Variants in BMAL1 observed in about 807,000 individuals in gnomAD.
BMAL1 encodes basic helix-loop-helix ARNT like 1, also known as basic helix-loop-helix ARNT-like protein 1.
the BMAL1 span, among the ~76,000 whole-genome samples, chr11:13,349,160 ATTTC>A: frequency 2.6e-5 from 4 of 152,348 alleles, no homozygotes; most frequent in East Asian, 3.9e-4. Context: ...CTGTTTCAGA[ATTTC>A]TTTCTTAACT....
At chr11:13,376,688 A>G in the BMAL1 span, 3 of 1,614,096 alleles carry the variant, frequency 1.9e-6, no homozygotes, top group Middle Eastern at 1.7e-4. Flanking sequence ...AGCTCACAGC[A>G]TCCCCCCACA....
the BMAL1 span, among the ~76,000 whole-genome samples, chr11:13,307,603 A>G: frequency 6.6e-6 from 1 of 152,320 alleles, no homozygotes; most frequent in African/African-American, 2.4e-5. Context: ...ATCTTTGGAA[A>G]CACTATTAAG....
the BMAL1 span, among the ~76,000 whole-genome samples, chr11:13,306,567 G>C: frequency 2.6e-5 from 4 of 152,200 alleles, no homozygotes; most frequent in African/African-American, 9.7e-5. Flanking sequence ...AGGCTTCACA[G>C]AGGAAGTCTG....
At chr11:13,318,032 C>G in the BMAL1 span, among the ~76,000 whole-genome samples, 1 of 152,254 alleles carries the variant, frequency 6.6e-6, no homozygotes, top group South Asian at 2.1e-4. Flanking sequence ...TCTAGTGGGC[C>G]TGGGCCCGTC....
chr11:13,349,651 C>T, the BMAL1 span, among the ~76,000 whole-genome samples: 1 of 152,240 alleles, frequency 6.6e-6, no homozygotes, highest in Non-Finnish European at 1.5e-5. Flanking sequence ...CTTCTAAGGA[C>T]ATGCCCAAGA....
chr11:13,356,985 A>T, the BMAL1 span: 1 of 1,609,726 alleles, frequency 6.2e-7, no homozygotes, highest in Non-Finnish European at 8.5e-7. Context: ...AGAAGAAAAC[A>T]GCAATGTGTA....
chr11:13,354,059 A>G, the BMAL1 span, among the ~76,000 whole-genome samples: 1 of 152,142 alleles, frequency 6.6e-6, no homozygotes. Context: ...CAGAAAAATG[A>G]GCGGGTGGGC....
At chr11:13,277,243 T>C in the BMAL1 span, among the ~76,000 whole-genome samples, 41 of 152,238 alleles carry the variant, frequency 2.7e-4, no homozygotes, top group Non-Finnish European at 4.1e-4. Context: ...CAGGAACTGC[T>C]GCTTTTCGTC....
chr11:13,289,340 T>C, the BMAL1 span, among the ~76,000 whole-genome samples: 1 of 152,208 alleles, frequency 6.6e-6, no homozygotes, highest in Non-Finnish European at 1.5e-5. Flanking sequence ...AGGTGGGTGC[T>C]GATGTGTACT....
chr11:13,315,594 C>T, the BMAL1 span, among the ~76,000 whole-genome samples: 11 of 152,250 alleles, frequency 7.2e-5, no homozygotes, highest in Middle Eastern at 3.4e-3. Flanking sequence ...TGTGGGTTTA[C>T]GCTCTGACCC....
At chr11:13,344,398 T>C in the BMAL1 span, among the ~76,000 whole-genome samples, 5 of 152,180 alleles carry the variant, frequency 3.3e-5, 1 homozygote. Context: ...AGTAGGGCAG[T>C]GCATTGCTTG....
chr11:13,384,125 A>G, the BMAL1 span, among the ~76,000 whole-genome samples: 1 of 152,024 alleles, frequency 6.6e-6, no homozygotes, highest in East Asian at 1.9e-4. Flanking sequence ...TTTTTTTGGA[A>G]ATGAATGAAG....
chr11:13,384,975 AAGT>A, the BMAL1 span, among the ~76,000 whole-genome samples: 10 of 152,172 alleles, frequency 6.6e-5, no homozygotes, highest in Non-Finnish European at 1.2e-4. Flanking sequence ...TGTGGAAATA[AAGT>A]AAGTTATAAT....
At chr11:13,334,435 C>T in the BMAL1 span, among the ~76,000 whole-genome samples, 1 of 152,150 alleles carries the variant, frequency 6.6e-6, no homozygotes, top group South Asian at 2.1e-4. Flanking sequence ...GCACTGTCCC[C>T]AACAAATGGG....
At chr11:13,326,490 C>T in the BMAL1 span, 2 of 152,186 alleles carry the variant, frequency 1.3e-5, no homozygotes, top group Admixed American at 1.3e-4. Flanking sequence ...CATGCATTCT[C>T]TCTAATCCTT....
the BMAL1 span, among the ~76,000 whole-genome samples, chr11:13,295,725 A>G: frequency 4.5e-4 from 68 of 152,338 alleles, no homozygotes; most frequent in African/African-American, 1.6e-3. Context: ...AAATTTGCAT[A>G]CAAGAGTCCA....
the BMAL1 span, among the ~76,000 whole-genome samples, chr11:13,358,860 A>G: frequency 4.6e-5 from 7 of 152,336 alleles, no homozygotes; most frequent in South Asian, 4.1e-4. Context: ...TAATCAGGCT[A>G]TGTGCCTATC....
chr11:13,366,872 C>A, the BMAL1 span: 1 of 923,818 alleles, frequency 1.1e-6, no homozygotes, highest in South Asian at 1.6e-5. Context: ...GTGTGATGGG[C>A]TCAGCCTTTC....
At chr11:13,381,295 G>A in the BMAL1 span, 3 of 1,597,450 alleles carry the variant, frequency 1.9e-6, no homozygotes, top group South Asian at 2.2e-5. Flanking sequence ...AGAACCTCTT[G>A]CCCAAGATCT....
Sources: allele counts gnomAD v4.1 joint callset (sites outside exome capture counted in the v4.1 genomes callset), GRCh38; gene constraint gnomAD v4.1.1; transcripts MANE v1.5; gene names NCBI Gene and HGNC (gene_info 2026-07-23, HGNC 2026-07-21).